Variants in RBL1 observed in about 807,000 individuals in gnomAD.
The protein encoded by RBL1 is RB transcriptional corepressor like 1.
A neutral mutation model predicts 123.0 loss-of-function variants in RBL1; 82 were observed. That is an observed-to-expected ratio of 0.67 (90% CI 0.56 to 0.80). The LOEUF (loss-of-function observed/expected upper bound fraction) is 0.80, where lower values mean the gene tolerates loss of function less well. RBL1 is among the 30% of genes least tolerant of loss of function. The probability of loss-of-function intolerance (pLI) is 0.00; values close to 1 mark genes in which losing one functional copy is unlikely to be tolerated. For synonymous variants in RBL1, 405 were observed against 441.3 expected (o/e 0.92, Z 1.03); for missense variants, 1,171 against 1,299.6 (o/e 0.90, Z 1.52).
chr20:37,095,667 C>A, intron 1 of RBL1, 106 bp downstream of exon 1: 1 of 1,090,074 alleles, frequency 9.2e-7, no homozygotes, highest in Non-Finnish European at 1.3e-6. Context: ...CGCAGCGACC[C>A]TCCTAGGTGG....
intron 14 of RBL1, among the ~76,000 whole-genome samples, chr20:37,036,668 C>T (rs2064617382): frequency 6.8e-6 from 1 of 146,362 alleles, no homozygotes; most frequent in Non-Finnish European, 1.5e-5. Context: ...CTCTGTTGCC[C>T]AGGCTGGAGT....
chr20:37,070,059 C>T (rs1035914427), intron 2 of RBL1, among the ~76,000 whole-genome samples: 3 of 152,196 alleles, frequency 2.0e-5, no homozygotes, highest in African/African-American at 2.4e-5. Flanking sequence ...ATTGAGAAAT[C>T]GAATGGTTGC....
chr20:37,080,483 G>C lies in RBL1; in HGVS notation c.290+8506C>G, dbSNP rs569145220. The stretch of plus-strand genomic sequence containing the variant: ...CTCTCTTTTTTTTTTTTTTGAGATG[G>C]AATCTCACTTTGTGGCCCAGGCTGG... On this transcript the variant is annotated intron_variant, in intron 2 of 21. Coordinates refer to ENST00000373664, the MANE Select transcript of RBL1 (RefSeq NM_002895.5). Among the ~76,000 whole-genome samples, 11 of 149,866 alleles carry C rather than the reference G, an allele frequency of 7.3e-5. No individual in the cohort carries two copies. The South Asian group carries it at 2.3e-3, about 32-fold the overall frequency.
At chr20:37,066,630 T>C in intron 6 of RBL1, 94 bp downstream of exon 6, 1 of 1,174,148 alleles carries the variant, frequency 8.5e-7, no homozygotes, top group South Asian at 1.5e-5. Context: ...GACCCTAAGT[T>C]CTATAATGCT....
At chr20:37,079,131 T>C (rs2065408872) in intron 2 of RBL1, among the ~76,000 whole-genome samples, 1 of 139,750 alleles carries the variant, frequency 7.2e-6, no homozygotes, top group South Asian at 2.2e-4. Context: ...GCCCAGGAGG[T>C]AGAGACTGCA....
intron 2 of RBL1, among the ~76,000 whole-genome samples, chr20:37,086,346 G>A (rs911731042): frequency 6.6e-6 from 1 of 151,928 alleles, no homozygotes; most frequent in African/African-American, 2.4e-5. Context: ...CAGCACTTAG[G>A]GAGGCCGAGG....
chr20:37,095,880 C>T lies in RBL1; in HGVS notation c.49G>A (p.Ala17Thr). ...CACAGGGCCTGTAGCGCCTCCCCGGCTGCGGCGACCACCGCCGCCCCCTCA... is the reference window on the plus strand; with the variant it reads ...CACAGGGCCTGTAGCGCCTCCCCGGTTGCGGCGACCACCGCCGCCCCCTCA... ...HAEGAAVVAAAGEALQALCQE... is the reference protein window; with the variant it reads ...HAEGAAVVAATGEALQALCQE... The change falls in exon 1 of 22, where the codon GCC becomes ACC. Residue 17 changes from alanine to threonine, a missense_variant. Physicochemically the swap from Ala to Thr is moderately conservative, Grantham distance 58. Transcript: ENST00000373664. 1 of 1,604,178 alleles carries T rather than the reference C, an allele frequency of 6.2e-7. No homozygotes were observed. The highest frequency in any genetic ancestry group is 8.5e-7 in the Non-Finnish European group (1 of 1,176,322).
intron 21 of RBL1, among the ~76,000 whole-genome samples, chr20:36,999,461 C>G (rs973952336): frequency 6.6e-6 from 1 of 151,028 alleles, no homozygotes. Flanking sequence ...TCCCTCCCTC[C>G]TCTCCCTCTC....
chr20:37,076,296 T>C (rs2065362987), intron 2 of RBL1, among the ~76,000 whole-genome samples: 1 of 152,238 alleles, frequency 6.6e-6, no homozygotes, highest in Admixed American at 6.5e-5. Flanking sequence ...AAGTTTCATT[T>C]ACAAATTAGG....
At chr20:37,032,039 C>A (rs781557042) in intron 16 of RBL1, among the ~76,000 whole-genome samples, 1 of 151,674 alleles carries the variant, frequency 6.6e-6, no homozygotes, top group Non-Finnish European at 1.5e-5. Context: ...TGAGCAACCA[C>A]GCCTGGTTTG....
chr20:37,060,144 C>T (rs1004617298), intron 9 of RBL1, among the ~76,000 whole-genome samples: 2 of 151,632 alleles, frequency 1.3e-5, no homozygotes, highest in Non-Finnish European at 2.9e-5. Flanking sequence ...TGCACTCCAG[C>T]CTGGGCAACA....
At chr20:37,055,449 T>C (rs530995009) in intron 11 of RBL1, 104 bp downstream of exon 11, 1 of 1,560,992 alleles carries the variant, frequency 6.4e-7, no homozygotes, top group East Asian at 2.3e-5. Context: ...GCCAAGTGTG[T>C]CATAGATTGG....
At chr20:37,003,425 G>T in intron 21 of RBL1, 1 of 403,608 alleles carries the variant, frequency 2.5e-6, no homozygotes, top group Non-Finnish European at 3.6e-6. Flanking sequence ...ACCACTTGCA[G>T]GTGTTGCCTT....
At chr20:37,072,727 AGAGCAGGAT>A (rs1404480648) in intron 2 of RBL1, among the ~76,000 whole-genome samples, 2 of 152,188 alleles carry the variant, frequency 1.3e-5, no homozygotes, top group African/African-American at 4.8e-5. Context: ...GTGAATTCTT[AGAGCAGGAT>A]CAATCTCCTG....
At chr20:37,068,819 T>C (rs1446207536) in intron 2 of RBL1, among the ~76,000 whole-genome samples, 1 of 152,190 alleles carries the variant, frequency 6.6e-6, no homozygotes, top group African/African-American at 2.4e-5. Flanking sequence ...CTACTACAAA[T>C]ACAAAATTAG....
At chr20:37,026,365 G>C (rs544739906) in intron 16 of RBL1, among the ~76,000 whole-genome samples, 1 of 152,264 alleles carries the variant, frequency 6.6e-6, no homozygotes, top group Non-Finnish European at 1.5e-5. Context: ...GATTGAGGAA[G>C]AGTATAAATT....
chr20:37,035,290 C>A lies in RBL1; in HGVS notation c.2122G>T (p.Ala708Ser). Residue 708 changes from alanine to serine, a missense_variant, in exon 15 of 22, where the codon GCC (alanine) becomes TCC (serine). Coordinates refer to ENST00000373664, the MANE Select transcript of RBL1 (RefSeq NM_002895.5). The part of the protein sequence containing the change: ...PGQTLLTMAT[A>S]PVTGTTGHKV... The stretch of plus-strand genomic sequence containing the variant: ...TGTCCTGTTGTTCCTGTTACTGGGG[C>A]TGTGGCCATTGTTAGAAGAGTTTGA... 1.9e-6 allele frequency: 3 copies of A among 1,613,850 alleles called. No homozygotes were observed. The highest frequency in any genetic ancestry group is 2.5e-6 in the Non-Finnish European group (3 of 1,179,782).
Position 37,056,155 on chromosome 20 carries a change from A to G in RBL1, c.1354T>C (p.Ser452Pro). ...AGTTTTCTTTTCTTACCTATGTGAG[A>G]TCCTGGCTGTTCATCTGTTGATTGA... ...YTQSTDEQPG[S>P]HIDFAVNRLK... The change falls in exon 10 of 22, where the codon TCT becomes CCT. Residue 452 changes from serine to proline, a missense_variant. Ser to Pro is a moderately conservative substitution (Grantham distance 74). Transcript: ENST00000373664. 6.2e-7 allele frequency: 1 copy of G among 1,607,432 alleles called. No homozygotes were observed. The highest frequency in any genetic ancestry group is 1.3e-5 in the African/African-American group (1 of 74,824).
chr20:37,055,294 T>C (rs1413094701), intron 11 of RBL1, among the ~76,000 whole-genome samples: 1 of 116,560 alleles, frequency 8.6e-6, no homozygotes, highest in Non-Finnish European at 1.7e-5. Context: ...GATCACTAGC[T>C]GGGAATGAAG....
Sources: allele counts gnomAD v4.1 joint callset (sites outside exome capture counted in the v4.1 genomes callset), GRCh38; gene constraint gnomAD v4.1.1; transcripts MANE v1.5; gene names NCBI Gene and HGNC (gene_info 2026-07-23, HGNC 2026-07-21).